Variants in ZNF385C observed in about 807,000 individuals in gnomAD.
ZNF385C encodes CTD-2132N18.2.
Under a neutral mutation model 35.4 loss-of-function variants are expected in ZNF385C, and 28 were observed. That is an observed-to-expected ratio of 0.79 (90% CI 0.59 to 1.08). The LOEUF (loss-of-function observed/expected upper bound fraction) is 1.08, where lower values mean the gene tolerates loss of function less well. Ranked by LOEUF, ZNF385C falls within the 50% of genes least tolerant of loss-of-function variation. The pLI is 0.00. For synonymous variants in ZNF385C, 248 were observed against 248.2 expected, an observed-to-expected ratio of 1.00 and a Z score of 0.01; for missense variants, 605 against 595.6, an observed-to-expected ratio of 1.02 and a Z score of -0.16.
intron 2 of ZNF385C, among the ~76,000 whole-genome samples, chr17:42,054,977 T>C (rs1224082930): frequency 6.6e-6 from 1 of 151,922 alleles, no homozygotes; most frequent in Non-Finnish European, 1.5e-5. Context: ...CTCCCTCCTC[T>C]TCCTAAAAGC....
At chr17:42,055,190 G>A (rs1178381627) in intron 2 of ZNF385C, among the ~76,000 whole-genome samples, 1 of 152,222 alleles carries the variant, frequency 6.6e-6, no homozygotes, top group Non-Finnish European at 1.5e-5. Flanking sequence ...TCTGGGAGGG[G>A]TTGGCAGCGG....
At chr17:42,084,337 A>C (rs1329819632) in intron 1 of ZNF385C, among the ~76,000 whole-genome samples, 1 of 150,976 alleles carries the variant, frequency 6.6e-6, no homozygotes, top group Non-Finnish European at 1.5e-5. Flanking sequence ...AAAAAAAAAA[A>C]CCCAAAACCA....
At chr17:42,036,852 G>A (rs1555655523) in intron 3 of ZNF385C, among the ~76,000 whole-genome samples, 1 of 152,170 alleles carries the variant, frequency 6.6e-6, no homozygotes, top group Non-Finnish European at 1.5e-5. Context: ...GAGGGTGGGA[G>A]GGAAGGGATT....
intron 2 of ZNF385C, chr17:42,038,288 A>G: frequency 1.9e-6 from 1 of 537,128 alleles, no homozygotes; most frequent in East Asian, 3.3e-5. Flanking sequence ...GGGTATTAGG[A>G]AAAGGCTAGC....
chr17:42,062,766 C>T (rs2143846232), intron 2 of ZNF385C, 41 bp downstream of exon 2: 1 of 512,804 alleles, frequency 2.0e-6, no homozygotes, highest in Non-Finnish European at 3.5e-6. Flanking sequence ...GAGATACTCC[C>T]CAAACCAAAT....
chr17:42,048,453 G>A (rs1162859216), intron 2 of ZNF385C, among the ~76,000 whole-genome samples: 1 of 152,004 alleles, frequency 6.6e-6, no homozygotes, highest in Non-Finnish European at 1.5e-5. Flanking sequence ...GCTGAGGCAG[G>A]AGGATCACTT....
chr17:42,026,549 G>A lies in ZNF385C; in HGVS notation c.*348C>T, dbSNP rs1598175891. 1 of 343,894 alleles carries A rather than the reference G, an allele frequency of 2.9e-6. No individual in the cohort carries two copies. Among genetic ancestry groups the A allele is most frequent in the African/African-American group, 2.2e-5 (1 of 45,902 alleles). The allele number at this position is 343,894 out of a possible 1,614,324, so 21.3% of individuals were successfully genotyped here. On this transcript the variant is annotated 3_prime_UTR_variant, in exon 9 of 9. Coordinates refer to ENST00000692273, the MANE Select transcript of ZNF385C (RefSeq NM_001392013.1). ...AGAGAGTCGTCCCCTGGCTAGGAGA[G>A]GATGGCTTGTAGAAGCTAAGATTCC...
At chr17:42,053,244 A>G (rs147347116) in intron 2 of ZNF385C, among the ~76,000 whole-genome samples, 1 of 152,242 alleles carries the variant, frequency 6.6e-6, no homozygotes, top group Non-Finnish European at 1.5e-5. Context: ...GGGTTCCCCC[A>G]AATAGCCTTT....
intron 1 of ZNF385C, among the ~76,000 whole-genome samples, chr17:42,070,464 C>T (rs2053608661): frequency 6.6e-6 from 1 of 152,164 alleles, no homozygotes; most frequent in Non-Finnish European, 1.5e-5. Context: ...CAGTGGAGGC[C>T]AAGGTATATG....
intron 1 of ZNF385C, among the ~76,000 whole-genome samples, chr17:42,093,757 C>CT (rs1324290304): frequency 6.6e-6 from 1 of 151,524 alleles, no homozygotes; most frequent in African/African-American, 2.4e-5. Flanking sequence ...ATTTTTTGTA[C>CT]TTTTTTAGCA....
intron 2 of ZNF385C, among the ~76,000 whole-genome samples, chr17:42,041,903 T>C (rs996519852): frequency 3.3e-5 from 5 of 152,208 alleles, no homozygotes; most frequent in African/African-American, 1.2e-4. Context: ...GGGAACACCC[T>C]GCTCTCCAAC....
intron 1 of ZNF385C, among the ~76,000 whole-genome samples, chr17:42,078,300 T>C (rs2053706573): frequency 2.0e-5 from 3 of 151,916 alleles, no homozygotes; most frequent in Admixed American, 1.3e-4. Flanking sequence ...CTTTTTAGGA[T>C]ATTAAATTCC....
chr17:42,096,571 G>T (rs974874884), intron 1 of ZNF385C, among the ~76,000 whole-genome samples: 2 of 152,206 alleles, frequency 1.3e-5, no homozygotes, highest in South Asian at 2.1e-4. Flanking sequence ...TTTCACTGGA[G>T]GACAGCTTGG....
chr17:42,056,391 A>C (rs1555657551), intron 2 of ZNF385C, among the ~76,000 whole-genome samples: 1 of 152,184 alleles, frequency 6.6e-6, no homozygotes, highest in Non-Finnish European at 1.5e-5. Flanking sequence ...CCATTCTCAA[A>C]CATGGCTCAG....
intron 1 of ZNF385C, among the ~76,000 whole-genome samples, chr17:42,071,882 G>A (rs1271967654): frequency 4.6e-5 from 7 of 152,214 alleles, no homozygotes; most frequent in Admixed American, 6.5e-5. Flanking sequence ...GTCAGGGCAG[G>A]AGCCTAAGTC....
chr17:42,029,339 A>T (rs191271930), intron 5 of ZNF385C, among the ~76,000 whole-genome samples: 91 of 152,370 alleles, frequency 6.0e-4, no homozygotes, highest in African/African-American at 2.2e-3. Context: ...AAAAAGATGT[A>T]CTAGAATGTT....
intron 2 of ZNF385C, chr17:42,039,382 G>A: frequency 3.6e-6 from 1 of 276,720 alleles, no homozygotes; most frequent in African/African-American, 2.2e-5. Flanking sequence ...ATCTTTGGGG[G>A]GACCCAAACT....
intron 2 of ZNF385C, chr17:42,038,122 A>AC: frequency 6.6e-7 from 1 of 1,506,340 alleles, no homozygotes; most frequent in Non-Finnish European, 8.9e-7. Context: ...CAGAGGGATG[A>AC]CCCTCCTGCC....
Position 42,062,966 on chromosome 17 carries a change from G to A in ZNF385C, c.91C>T (p.Pro31Ser). 1 of 694,860 alleles carries A rather than the reference G, an allele frequency of 1.4e-6. No individual in the cohort carries two copies. Among genetic ancestry groups the A allele is most frequent in the Non-Finnish European group, 2.6e-6 (1 of 381,256 alleles). 43.0% of individuals were successfully genotyped at this position (694,860 alleles called of 1,614,324 possible). ...AECLPRPPEPPKPKRERKRPS... is the reference protein window; with the variant it reads ...AECLPRPPEPSKPKRERKRPS... ...CGCTTTCTTTCTCGCTTGGGCTTAG[G>A]TGGTTCTGGGGGCCGAGGGAGGCAC... The change falls in exon 2 of 9, where the codon CCT becomes TCT. Residue 31 changes from proline to serine, a missense_variant. Pro to Ser is a moderately conservative substitution (Grantham distance 74). Transcript: ENST00000692273.
Sources: allele counts gnomAD v4.1 joint callset (sites outside exome capture counted in the v4.1 genomes callset), GRCh38; gene constraint gnomAD v4.1.1; transcripts MANE v1.5; gene names NCBI Gene and HGNC (gene_info 2026-07-23, HGNC 2026-07-21).